KPNA5: variants seen among roughly 807,000 people sequenced by gnomAD.
The protein encoded by KPNA5 is importin subunit alpha-6.
In KPNA5, 46 loss-of-function variants were observed where a neutral mutation model predicts 71.3. That is an observed-to-expected ratio of 0.65 (90% CI 0.51 to 0.83). The LOEUF (loss-of-function observed/expected upper bound fraction) is 0.83. Ranked by LOEUF, KPNA5 falls within the 40% of genes least tolerant of loss-of-function variation. The pLI, the probability that KPNA5 is intolerant of heterozygous loss-of-function variation, is 0.00. For missense variants in KPNA5, 547 were observed against 628.3 expected (o/e 0.87, Z 1.38); for synonymous variants, 207 against 201.4 (o/e 1.03, Z -0.24).
At chr6:116,709,647 A>G (rs569638462) in intron 7 of KPNA5, among the ~76,000 whole-genome samples, 2 of 152,278 alleles carry the variant, frequency 1.3e-5, no homozygotes, top group South Asian at 2.1e-4. Flanking sequence ...AGTGGCAAAA[A>G]TGAGTGTCTT....
chr6:116,704,855 G>T (rs188797665), intron 6 of KPNA5, among the ~76,000 whole-genome samples: 263 of 152,256 alleles, frequency 1.7e-3, no homozygotes, highest in African/African-American at 6.2e-3. Context: ...GGGATTACAC[G>T]CGTGAGCCAC....
chr6:116,694,168 C>T (rs989948948), intron 4 of KPNA5, among the ~76,000 whole-genome samples: 3 of 152,128 alleles, frequency 2.0e-5, no homozygotes, highest in African/African-American at 7.2e-5. Flanking sequence ...AATCAGGTAG[C>T]ATGATGCCTC....
intron 6 of KPNA5, among the ~76,000 whole-genome samples, chr6:116,704,318 A>G (rs2114420380): frequency 6.6e-6 from 1 of 152,250 alleles, no homozygotes; most frequent in South Asian, 2.1e-4. Flanking sequence ...AATTACAGGC[A>G]TGAGCCACTG....
intron 12 of KPNA5, among the ~76,000 whole-genome samples, chr6:116,729,158 C>CGT (rs150925835): frequency 0.2 from 22,145 of 111,906 alleles, 2,730 homozygotes; most frequent in East Asian, 0.38. Flanking sequence ...ATATGACCTC[C>CGT]GTGTGTGTGT....
chr6:116,732,080 A>T (rs1421733077), intron 13 of KPNA5, 56 bp from the exon 14 acceptor site: 2 of 28,930 alleles, frequency 6.9e-5, no homozygotes, highest in Non-Finnish European at 1.2e-4. Flanking sequence ...TTGTTTATAT[A>T]TATATATATA....
At position 116,722,154 on chromosome 6, in the gene KPNA5, G is replaced by T. The variant is rs746703820; in HGVS notation, c.785G>T (p.Arg262Leu). 1 of 1,601,398 alleles carries T rather than the reference G, an allele frequency of 6.2e-7. No individual in the cohort carries two copies. Among genetic ancestry groups the T allele is most frequent in the East Asian group, 2.2e-5 (1 of 44,604 alleles). The change falls in exon 9 of 14, where the codon CGA becomes CTA. Residue 262 changes from arginine to leucine, a missense_variant. Physicochemically the swap from Arg to Leu is moderately radical, Grantham distance 102. Transcript: ENST00000368564. ...KVSPCLNVLS[R>L]LLFSSDPDVL... ...TCACCTTGCTTAAATGTCCTGTCAC[G>T]ACTGTTGTTTAGCAGTGACCCAGAT...
intron 10 of KPNA5, 113 bp from the exon 11 acceptor site, chr6:116,725,638 T>C: frequency 1.0e-6 from 1 of 975,340 alleles, no homozygotes; most frequent in Non-Finnish European, 1.5e-6. Context: ...AATTTCTCCT[T>C]TCTTAATTTC....
chr6:116,736,468 CTTT>C lies in KPNA5; in HGVS notation c.*4149_*4151del, dbSNP rs965039142. 1 of 151,904 alleles carries C rather than the reference CTTT, an allele frequency of 6.6e-6. No homozygotes were observed. The highest frequency in any genetic ancestry group is 1.5e-5 in the Non-Finnish European group (1 of 67,880). The allele number at this position is 151,904 out of a possible 1,614,324, so 9.4% of individuals were successfully genotyped here. On this transcript the variant is annotated 3_prime_UTR_variant, in exon 14 of 14. Coordinates refer to ENST00000368564, the MANE Select transcript of KPNA5 (RefSeq NM_001366306.2). Reference sequence around the variant, plus strand: ...TGCCATCACCATAAGCAAAAGTTCACTTTTTTACTGGCACTAGCCATATTTCAA... The same window carrying C: ...TGCCATCACCATAAGCAAAAGTTCACTTTACTGGCACTAGCCATATTTCAA...
At chr6:116,716,987 A>G (rs984314373) in intron 8 of KPNA5, among the ~76,000 whole-genome samples, 2 of 151,994 alleles carry the variant, frequency 1.3e-5, no homozygotes, top group Admixed American at 1.3e-4. Context: ...TTTTCATTTC[A>G]TTTCATAAGA....
rs1779237947 is a variant in KPNA5, at chr6:116,724,868, G to GATCAAGTGAT, written c.999+493_999+494insATCAAGTGAT. Among the ~76,000 whole-genome samples, 4 of 152,056 alleles carry GATCAAGTGAT rather than the reference G, an allele frequency of 2.6e-5. No homozygotes were observed. The South Asian group carries it at 8.3e-4, about 31-fold the overall frequency. ...GAGCTCAAGTGATCCTCCTGCTTTG[G>GATCAAGTGAT]CCTCTCAAAGCGTTAGACTTACAGG... On this transcript the variant is annotated intron_variant, in intron 10 of 13. Coordinates refer to ENST00000368564, the MANE Select transcript of KPNA5 (RefSeq NM_001366306.2).
intron 12 of KPNA5, among the ~76,000 whole-genome samples, chr6:116,728,657 T>A (rs899413848): frequency 3.9e-5 from 6 of 152,154 alleles, no homozygotes; most frequent in South Asian, 2.1e-4. Flanking sequence ...CTTTTTTTTT[T>A]AAGAGGGACA....
intron 13 of KPNA5, 39 bp downstream of exon 13, chr6:116,729,780 C>T: frequency 3.2e-6 from 4 of 1,249,558 alleles, no homozygotes; most frequent in Non-Finnish European, 4.2e-6. Context: ...ATAGTCAGTT[C>T]TTATATCTGT....
Position 116,740,168 on chromosome 6 carries a change from C to CAAAA in KPNA5, c.*7847_*7850dup, listed in dbSNP as rs1236173164. The CAAAA allele has an allele frequency of 6.6e-6, 1 of 152,014 alleles. No homozygotes were observed. The highest frequency in any genetic ancestry group is 1.5e-5 in the Non-Finnish European group (1 of 67,984). The allele number at this position is 152,014 out of a possible 1,614,324, so 9.4% of individuals were successfully genotyped here. A position where few individuals can be genotyped will look rare whatever the true frequency, so the allele number is the denominator to read the frequency against. ...ATTTACAAGAAAAAAACAACCCCATCAAAAAGTGGGTGAAGGACATGAACA... is the reference window on the plus strand; with the variant it reads ...ATTTACAAGAAAAAAACAACCCCATCAAAAAAAAAGTGGGTGAAGGACATGAACA... On this transcript the variant is annotated 3_prime_UTR_variant, in exon 14 of 14. Transcript: ENST00000368564.
intron 4 of KPNA5, 50 bp downstream of exon 4, chr6:116,692,442 A>G: frequency 2.6e-6 from 3 of 1,146,658 alleles, no homozygotes; most frequent in Non-Finnish European, 3.8e-6. Flanking sequence ...ATTTTTTAGT[A>G]GAGGTTTATT....
At chr6:116,708,165 C>T (rs891440256) in intron 7 of KPNA5, among the ~76,000 whole-genome samples, 6 of 152,172 alleles carry the variant, frequency 3.9e-5, no homozygotes, top group African/African-American at 1.2e-4. Context: ...ATGGACACTT[C>T]GGTGTGTCCA....
At chr6:116,685,203 G>A (rs1468545285) in intron 1 of KPNA5, among the ~76,000 whole-genome samples, 3 of 152,212 alleles carry the variant, frequency 2.0e-5, no homozygotes, top group African/African-American at 7.2e-5. Context: ...TAAGAAAGGA[G>A]AGTTGATAGA....
intron 2 of KPNA5, 62 bp downstream of exon 2, chr6:116,689,515 A>G (rs1777714986): frequency 1.6e-6 from 2 of 1,286,656 alleles, no homozygotes; most frequent in Non-Finnish European, 2.1e-6. Flanking sequence ...TAATTATTGG[A>G]TAATTTTAAA....
intron 12 of KPNA5, among the ~76,000 whole-genome samples, chr6:116,728,276 A>G (rs1051968890): frequency 6.6e-6 from 1 of 151,920 alleles, no homozygotes; most frequent in Non-Finnish European, 1.5e-5. Context: ...TATTTTTTCA[A>G]TTAATTTTTG....
intron 7 of KPNA5, among the ~76,000 whole-genome samples, chr6:116,705,648 A>G (rs978620048): frequency 7.2e-5 from 11 of 152,264 alleles, no homozygotes; most frequent in South Asian, 2.1e-4. Flanking sequence ...AAATTACCCT[A>G]TAATGTAAGG....
Sources: gnomAD v4.1 joint callset for allele counts (sites outside exome capture counted in the v4.1 genomes callset) on GRCh38, gnomAD v4.1.1 for gene constraint, MANE v1.5 for transcripts, NCBI Gene and HGNC (gene_info 2026-07-23, HGNC 2026-07-21) for gene names.